SCN8A: variants seen among roughly 807,000 people sequenced by gnomAD.
SCN8A encodes sodium channel protein type 8 subunit alpha.
SCN8A carries 30 observed loss-of-function variants against 184.1 expected under a neutral mutation model. The ratio of observed to expected loss-of-function variants is 0.16; its 90% CI spans 0.12 to 0.22. The LOEUF (loss-of-function observed/expected upper bound fraction) is 0.22. Ranked by LOEUF, SCN8A falls within the 10% of genes least tolerant of loss-of-function variation. The probability of loss-of-function intolerance (pLI) is 1.00; values close to 1 mark genes in which losing one functional copy is unlikely to be tolerated. For missense variants in SCN8A, 1,057 were observed against 2,498.9 expected, an observed-to-expected ratio of 0.42 and a Z score of 12.30; for synonymous variants, 852 against 907.0, an observed-to-expected ratio of 0.94 and a Z score of 1.09.
At chr12:51,773,987 G>A (rs1362653196) in intron 19 of SCN8A, among the ~76,000 whole-genome samples, 1 of 152,176 alleles carries the variant, frequency 6.6e-6, no homozygotes, top group African/African-American at 2.4e-5. Flanking sequence ...CATTTTAAAT[G>A]GCTGAATTTT....
intron 11 of SCN8A, among the ~76,000 whole-genome samples, chr12:51,716,835 A>G (rs1470990543): frequency 6.6e-6 from 1 of 152,146 alleles, no homozygotes; most frequent in African/African-American, 2.4e-5. Context: ...CTTGTTTTTC[A>G]TGTACAGATC....
chr12:51,655,416 G>T (rs1940803078), intron 1 of SCN8A, among the ~76,000 whole-genome samples: 1 of 147,108 alleles, frequency 6.8e-6, no homozygotes, highest in Non-Finnish European at 1.5e-5. Context: ...CACAAGAGTT[G>T]TGTCACCCAG....
At chr12:51,756,351 C>T (rs919201880) in intron 14 of SCN8A, among the ~76,000 whole-genome samples, 4 of 152,166 alleles carry the variant, frequency 2.6e-5, no homozygotes, top group Non-Finnish European at 5.9e-5. Flanking sequence ...TCACCCCACT[C>T]GGGATCTGAC....
intron 1 of SCN8A, among the ~76,000 whole-genome samples, chr12:51,604,472 G>C (rs1488991319): frequency 6.6e-6 from 1 of 151,642 alleles, no homozygotes; most frequent in East Asian, 1.9e-4. Flanking sequence ...TTTTTCCCCA[G>C]GTTTTTTTGT....
At chr12:51,749,406 C>T (rs929276872) in intron 13 of SCN8A, among the ~76,000 whole-genome samples, 6 of 152,152 alleles carry the variant, frequency 3.9e-5, no homozygotes, top group Non-Finnish European at 8.8e-5. Flanking sequence ...CAGCTTCAAC[C>T]TCCACGTGCC....
chr12:51,731,839 CAT>C (rs2138801755), intron 12 of SCN8A, among the ~76,000 whole-genome samples: 1 of 152,292 alleles, frequency 6.6e-6, no homozygotes, highest in Non-Finnish European at 1.5e-5. Context: ...GGCACCTTTT[CAT>C]ATACTTGTTT....
At chr12:51,706,750 A>G (rs1941792529) in intron 11 of SCN8A, 35 bp downstream of exon 11, 1 of 1,427,178 alleles carries the variant, frequency 7.0e-7, no homozygotes, top group South Asian at 1.6e-5. Context: ...TTTTTCAAAA[A>G]TGTATTTTTT....
At chr12:51,591,660 C>T (rs1939221417) in intron 1 of SCN8A, among the ~76,000 whole-genome samples, 1 of 152,198 alleles carries the variant, frequency 6.6e-6, no homozygotes, top group Admixed American at 6.5e-5. Context: ...GGACACGGCC[C>T]GTCCTTGGTG....
chr12:51,723,056 T>G (rs1942094689), intron 12 of SCN8A: 1 of 152,226 alleles, frequency 6.6e-6, no homozygotes, highest in South Asian at 2.1e-4. Flanking sequence ...TAGCCAATCC[T>G]TTAATTAGCA....
intron 2 of SCN8A, among the ~76,000 whole-genome samples, chr12:51,683,345 T>G (rs940968166): frequency 6.6e-6 from 1 of 152,214 alleles, no homozygotes; most frequent in Non-Finnish European, 1.5e-5. Context: ...CGTTATGAAT[T>G]ATGAGAACCT....
At chr12:51,658,994 C>CA (rs1198484330) in intron 1 of SCN8A, among the ~76,000 whole-genome samples, 5 of 151,938 alleles carry the variant, frequency 3.3e-5, no homozygotes, top group Middle Eastern at 3.2e-3. Context: ...AGCTATATGC[C>CA]AAAAAGAAAT....
chr12:51,753,321 G>A (rs562294892), intron 14 of SCN8A, among the ~76,000 whole-genome samples: 3 of 152,254 alleles, frequency 2.0e-5, no homozygotes, highest in African/African-American at 7.2e-5. Flanking sequence ...AGCATACTTT[G>A]TACTAGATGT....
chr12:51,603,431 C>T lies in SCN8A; in HGVS notation c.-55+12072C>T, dbSNP rs74239980. ...GTATATAACAGTTTGTCAACCTGTT[C>T]GTCTGTTGAAGAACATTTGGAATAT... On this transcript the variant is annotated intron_variant, in intron 1 of 26. Transcript: ENST00000627620. Among the ~76,000 whole-genome samples the T allele has an allele frequency of 7.8e-4, 119 of 152,166 alleles. 1 individual carries two copies. The East Asian group carries it at 0.02, about 26-fold the overall frequency.
intron 2 of SCN8A, among the ~76,000 whole-genome samples, chr12:51,673,022 G>A (rs1358778507): frequency 2.0e-5 from 3 of 151,874 alleles, no homozygotes; most frequent in African/African-American, 7.3e-5. Context: ...TGATTTTTTT[G>A]GTTTTGTTTC....
In SCN8A at chr12:51,808,555, C is replaced by T. The variant is rs535711270; in HGVS notation, c.*1126C>T. ...TGTATCTTGCAATATTTATGACGAT[C>T]GTTTAGCCTTCATACTGGAGAATTG... On this transcript the variant is annotated 3_prime_UTR_variant, in exon 27 of 27. Transcript: ENST00000627620. 3.3e-5 allele frequency: 5 copies of T among 152,580 alleles called. No homozygotes were observed. In the East Asian group the frequency reaches 5.8e-4, roughly 18 times the overall value. The allele number at this position is 152,580 out of a possible 1,614,324, so 9.5% of individuals were successfully genotyped here.
chr12:51,608,555 C>T (rs1422733574), intron 1 of SCN8A, among the ~76,000 whole-genome samples: 1 of 152,042 alleles, frequency 6.6e-6, no homozygotes, highest in African/African-American at 2.4e-5. Flanking sequence ...CTTGAATGAT[C>T]TTTTGTATTT....
At chr12:51,638,098 C>A (rs901478360) in intron 1 of SCN8A, among the ~76,000 whole-genome samples, 3 of 152,058 alleles carry the variant, frequency 2.0e-5, no homozygotes, top group Admixed American at 2.0e-4. Flanking sequence ...GGATGGTTTA[C>A]TAGATATTTT....
At chr12:51,712,785 A>G (rs1941901772) in intron 11 of SCN8A, 1 of 1,179,262 alleles carries the variant, frequency 8.5e-7, no homozygotes, top group African/African-American at 1.5e-5. Context: ...CATAGTTGCC[A>G]CCGTCACTTC....
chr12:51,759,114 T>A (rs1942725984), intron 14 of SCN8A, among the ~76,000 whole-genome samples: 1 of 152,078 alleles, frequency 6.6e-6, no homozygotes, highest in Non-Finnish European at 1.5e-5. Context: ...ATGGAACATA[T>A]ATAAAAACTT....
Sources: allele counts gnomAD v4.1 joint callset (sites outside exome capture counted in the v4.1 genomes callset), GRCh38; gene constraint gnomAD v4.1.1; transcripts MANE v1.5; gene names NCBI Gene and HGNC (gene_info 2026-07-23, HGNC 2026-07-21).